SEC24A: variants seen among roughly 807,000 people sequenced by gnomAD.
The protein encoded by SEC24A is SEC24 homolog A, COPII component.
SEC24A carries 93 observed loss-of-function variants against 129.4 expected under a neutral mutation model. That is an observed-to-expected ratio of 0.72 (90% confidence interval 0.61 to 0.85). The LOEUF (loss-of-function observed/expected upper bound fraction) is 0.85. Ranked by LOEUF, SEC24A falls within the 40% of genes least tolerant of loss-of-function variation. The pLI, the probability that SEC24A is intolerant of heterozygous loss-of-function variation, is 0.00. For synonymous variants in SEC24A, 460 were observed against 467.3 expected (o/e 0.98, Z 0.20); for missense variants, 1,264 against 1,307.4 (o/e 0.97, Z 0.51).
At chr5:134,709,606 G>A (rs1344133600) in intron 18 of SEC24A, among the ~76,000 whole-genome samples, 1 of 152,178 alleles carries the variant, frequency 6.6e-6, no homozygotes, top group Non-Finnish European at 1.5e-5. Context: ...GTTACTAGAG[G>A]CTGGGTGGTG....
rs1205264058 is a variant in SEC24A at position 134,693,927 on chromosome 5, T to G, written c.1980T>G (p.Ser660=). The G allele has an allele frequency of 6.2e-7, 1 of 1,613,538 alleles. No individual in the cohort carries two copies. The highest frequency in any genetic ancestry group is 2.2e-5 in the East Asian group (1 of 44,890). Residue 660 remains serine (S), a synonymous_variant, in exon 13 of 23, where the codon TCT becomes TCG. Coordinates refer to ENST00000398844, the MANE Select transcript of SEC24A (RefSeq NM_021982.3). ...KPREEPNHRS[S]AKDIHMTPST... ...GAGAGGAACCAAACCACAGGTCATC[T>G]GCTAAGGTTAGAGAGTCATGAAATG...
intron 11 of SEC24A, among the ~76,000 whole-genome samples, chr5:134,688,650 CATAT>C (rs1476558430): frequency 2.7e-5 from 4 of 150,274 alleles, no homozygotes; most frequent in Admixed American, 6.6e-5. Flanking sequence ...TAAAGCCTAG[CATAT>C]ATAGTCAATT....
chr5:134,689,586 C>T (rs1751565578), intron 11 of SEC24A, among the ~76,000 whole-genome samples: 1 of 152,038 alleles, frequency 6.6e-6, no homozygotes, highest in Non-Finnish European at 1.5e-5. Flanking sequence ...CATGGTGAAA[C>T]CCCGTCTCTA....
At chr5:134,661,615 G>A (rs778430612) in intron 2 of SEC24A, 29 bp downstream of exon 2, 1 of 1,510,776 alleles carries the variant, frequency 6.6e-7, no homozygotes, top group Non-Finnish European at 9.1e-7. Context: ...TGCTTAAAAT[G>A]TAGAAATGTG....
chr5:134,696,543 G>A (rs1355954984), intron 13 of SEC24A, among the ~76,000 whole-genome samples: 1 of 152,008 alleles, frequency 6.6e-6, no homozygotes, highest in Non-Finnish European at 1.5e-5. Context: ...CTGTTGCCCA[G>A]GCTGGAGTGC....
At chr5:134,657,179 A>AACGCAC (rs1246730015) in intron 1 of SEC24A, among the ~76,000 whole-genome samples, 1 of 136,934 alleles carries the variant, frequency 7.3e-6, no homozygotes, top group African/African-American at 3.2e-5. Context: ...ATTTCTGAAA[A>AACGCAC]ACGCACACAC....
rs1207820465 is a variant in SEC24A, at chr5:134,674,739, C to G, written c.942C>G (p.Ser314=). Residue 314 remains serine, a synonymous_variant, in exon 5 of 23, where the codon TCC becomes TCG. Transcript: ENST00000398844. ...PPGATGVPPS[S]LNYPSGPQAF... is the part of the protein sequence containing the mutation. ...GTGCAACTGGAGTACCACCCTCTTC[C>G]TTGAATTACCCAAGTGGGCCACAAG... The G allele has an allele frequency of 3.7e-6, 6 of 1,613,782 alleles. No individual in the cohort carries two copies. The Admixed American group carries it at 1.0e-4, about 27-fold the overall frequency.
chr5:134,653,668 C>G (rs984926676), intron 1 of SEC24A, among the ~76,000 whole-genome samples: 3 of 149,588 alleles, frequency 2.0e-5, no homozygotes, highest in African/African-American at 7.4e-5. Flanking sequence ...AATTCAAGAC[C>G]ACCCTCGGCA....
At position 134,699,455 on chromosome 5, in the gene SEC24A, T is replaced by G. The variant is rs567193052; in HGVS notation, c.2266+1398T>G. Among the ~76,000 whole-genome samples, 3 of 151,630 alleles carry G rather than the reference T, an allele frequency of 2.0e-5. No individual in the cohort carries two copies. The East Asian group carries it at 5.9e-4, about 30-fold the overall frequency. On this transcript the variant is annotated intron_variant, in intron 15 of 22. Transcript: ENST00000398844. ...CTGGGACTACAGGCGCCTGCCACCA[T>G]GCCCAGCTAATTTTTTGTATTTTTT...
At chr5:134,714,465 C>G (rs1441927279) in intron 18 of SEC24A, among the ~76,000 whole-genome samples, 1 of 152,154 alleles carries the variant, frequency 6.6e-6, no homozygotes, top group Non-Finnish European at 1.5e-5. Context: ...ACTGCGCATG[C>G]GAGAGATCTA....
intron 8 of SEC24A, among the ~76,000 whole-genome samples, chr5:134,680,982 C>G (rs1016588634): frequency 1.3e-5 from 2 of 151,118 alleles, no homozygotes; most frequent in African/African-American, 4.9e-5. Context: ...ACCTATAATC[C>G]CAGCTACTCG....
intron 3 of SEC24A, among the ~76,000 whole-genome samples, chr5:134,667,763 A>G (rs1017182130): frequency 2.0e-5 from 3 of 152,148 alleles, no homozygotes; most frequent in Non-Finnish European, 4.4e-5. Context: ...TTATACAAGC[A>G]GTGGAAAAAT....
chr5:134,652,314 A>G (rs1371116907), intron 1 of SEC24A, among the ~76,000 whole-genome samples: 1 of 151,486 alleles, frequency 6.6e-6, no homozygotes, highest in Non-Finnish European at 1.5e-5. Flanking sequence ...TTTTTGAGAT[A>G]GTCTTTCTCT....
intron 19 of SEC24A, among the ~76,000 whole-genome samples, chr5:134,717,681 C>T (rs1580741576): frequency 2.0e-5 from 3 of 151,958 alleles, no homozygotes; most frequent in Non-Finnish European, 4.4e-5. Context: ...TTTGGGAGGC[C>T]GAGGCGGGTG....
chr5:134,686,005 TAC>T (rs1399365793), intron 9 of SEC24A, among the ~76,000 whole-genome samples: 1 of 150,946 alleles, frequency 6.6e-6, no homozygotes, highest in South Asian at 2.1e-4. Context: ...AAAAAAAAAA[TAC>T]AGTCTTATGT....
At chr5:134,683,309 G>A (rs1580708201) in intron 9 of SEC24A, among the ~76,000 whole-genome samples, 2 of 152,010 alleles carry the variant, frequency 1.3e-5, no homozygotes, top group Non-Finnish European at 1.5e-5. Context: ...ATGAGCCACC[G>A]TGCCCGGCCA....
chr5:134,662,279 C>T (rs1221172054), intron 2 of SEC24A, among the ~76,000 whole-genome samples: 1 of 151,926 alleles, frequency 6.6e-6, no homozygotes, highest in Non-Finnish European at 1.5e-5. Context: ...CTCAGCCTCC[C>T]GAGTAGCTGG....
intron 11 of SEC24A, among the ~76,000 whole-genome samples, chr5:134,690,354 C>A (rs572701722): frequency 1.2e-4 from 18 of 152,232 alleles, no homozygotes; most frequent in African/African-American, 4.3e-4. Context: ...ACTCTTGTTG[C>A]CCATGTTGCA....
intron 12 of SEC24A, chr5:134,693,011 T>A: frequency 1.3e-6 from 2 of 1,534,462 alleles, no homozygotes; most frequent in Non-Finnish European, 1.7e-6. Context: ...TTCAGTGCCC[T>A]TTGCTTTTCT....
Sources: gnomAD v4.1 joint callset for allele counts (sites outside exome capture counted in the v4.1 genomes callset) on GRCh38, gnomAD v4.1.1 for gene constraint, MANE v1.5 for transcripts, NCBI Gene and HGNC (gene_info 2026-07-23, HGNC 2026-07-21) for gene names.